Variants in CIB4 observed in about 807,000 individuals in gnomAD.
The protein encoded by CIB4 is calcium and integrin-binding family member 4.
CIB4 carries 25 observed loss-of-function variants against 25.8 expected under a neutral mutation model. The observed-to-expected ratio is 0.97, with a 90% CI of 0.71 to 1.35. CIB4 has a LOEUF of 1.35. Ranked by LOEUF, CIB4 falls within the 40% of genes most tolerant of loss-of-function variation. The pLI is 0.00. For missense variants in CIB4, 235 were observed against 228.2 expected (o/e 1.03, Z -0.19); for synonymous variants, 75 against 81.4 (o/e 0.92, Z 0.42).
chr2:26,581,805 G>A (rs1451106326), intron 6 of CIB4, among the ~76,000 whole-genome samples: 2 of 152,200 alleles, frequency 1.3e-5, no homozygotes, highest in African/African-American at 4.8e-5. Flanking sequence ...CTGTTGGAAT[G>A]AGGAGCCCCC....
intron 2 of CIB4, among the ~76,000 whole-genome samples, chr2:26,631,302 C>A (rs560620719): frequency 6.6e-6 from 1 of 152,026 alleles, no homozygotes; most frequent in Admixed American, 6.6e-5. Flanking sequence ...CAGGGAGACC[C>A]CATTTCTACA....
intron 4 of CIB4, among the ~76,000 whole-genome samples, chr2:26,584,973 C>T (rs995580999): frequency 2.6e-5 from 4 of 152,192 alleles, no homozygotes; most frequent in Admixed American, 6.5e-5. Context: ...TCCCGCCAGT[C>T]GGGGAGTGCT....
At chr2:26,625,830 A>T (rs1335885706) in intron 3 of CIB4, among the ~76,000 whole-genome samples, 1 of 152,248 alleles carries the variant, frequency 6.6e-6, no homozygotes, top group African/African-American at 2.4e-5. Context: ...CCTAAACGGC[A>T]TTGACTACAT....
intron 2 of CIB4, among the ~76,000 whole-genome samples, chr2:26,635,002 C>A (rs1457836302): frequency 6.6e-6 from 1 of 152,240 alleles, no homozygotes; most frequent in African/African-American, 2.4e-5. Context: ...GCCACATGGG[C>A]CCTCTTTGGG....
At position 26,627,116 on chromosome 2, in the gene CIB4, G is replaced by A. The variant is rs972920065; in HGVS notation, c.186+2294C>T. Among the ~76,000 whole-genome samples the A allele has an allele frequency of 6.6e-6, 1 of 152,162 alleles. No homozygotes were observed. Reference sequence around the variant, plus strand: ...CTATTGCTGGAGAAGGATGTGTTGAGGCCATGGGTCACCAACACCCTCTAT... The same window carrying A: ...CTATTGCTGGAGAAGGATGTGTTGAAGCCATGGGTCACCAACACCCTCTAT... On this transcript the variant is annotated intron_variant, in intron 3 of 6. Coordinates refer to ENST00000288861, the MANE Select transcript of CIB4 (RefSeq NM_001029881.3). This position sits in a 1 kb window ranked among gnomAD's most constrained non-coding sequence, Gnocchi z 4.0.
At chr2:26,588,987 C>CTTT (rs1558554493) in intron 4 of CIB4, among the ~76,000 whole-genome samples, 9 of 14,246 alleles carry the variant, frequency 6.3e-4, no homozygotes, top group African/African-American at 1.6e-3. Flanking sequence ...CTTTCTTCTT[C>CTTT]TTCTTCTTCT....
At chr2:26,623,253 G>A (rs1442472033) in intron 3 of CIB4, among the ~76,000 whole-genome samples, 1 of 151,908 alleles carries the variant, frequency 6.6e-6, no homozygotes, top group African/African-American at 2.4e-5. Context: ...TGAGGCAGGA[G>A]GATCGCTTTA....
At chr2:26,613,188 C>G (rs1269664283) in intron 3 of CIB4, among the ~76,000 whole-genome samples, 1 of 152,132 alleles carries the variant, frequency 6.6e-6, no homozygotes, top group East Asian at 1.9e-4. Flanking sequence ...GCACCTGGAG[C>G]TTGCTTTCTC....
chr2:26,599,439 T>G (rs893356311), intron 3 of CIB4, among the ~76,000 whole-genome samples: 18 of 152,226 alleles, frequency 1.2e-4, no homozygotes, highest in African/African-American at 4.1e-4. Flanking sequence ...GAGATTTGAT[T>G]TGAAGATGAA....
intron 2 of CIB4, among the ~76,000 whole-genome samples, chr2:26,640,052 C>T (rs1387049156): frequency 6.6e-6 from 1 of 151,684 alleles, no homozygotes; most frequent in Non-Finnish European, 1.5e-5. Context: ...CACCACCCCA[C>T]CCTCAGGGCC....
In CIB4 at chr2:26,595,214, C is replaced by A. The variant is rs139729001; in HGVS notation, c.290G>T (p.Cys97Phe). 249 of 1,613,720 alleles carry A rather than the reference C, an allele frequency of 1.5e-4. No individual in the cohort carries two copies. The highest frequency in any genetic ancestry group is 2.0e-4 in the Non-Finnish European group (236 of 1,179,758). The change falls in exon 4 of 7, where the codon TGC (cysteine) becomes TTC (phenylalanine). Residue 97 changes from cysteine (C) to phenylalanine (F), a missense_variant. Cys to Phe is a radical substitution (Grantham distance 205, BLOSUM62 -2). Coordinates refer to ENST00000288861, the MANE Select transcript of CIB4 (RefSeq NM_001029881.3). ...GMASVFSEQA[C>F]PSLKIEYAFR... ...GGCATACTCAATCTTCAGGCTTGGG[C>A]AGGCCTGCTCGCTGAACACAGATGC...
intron 4 of CIB4, among the ~76,000 whole-genome samples, chr2:26,584,172 C>A (rs1160461227): frequency 6.6e-6 from 1 of 152,202 alleles, no homozygotes; most frequent in South Asian, 2.1e-4. Context: ...CACAATCAAC[C>A]TTTTATTAGT....
In CIB4 at chr2:26,640,397, C is replaced by T; in HGVS notation, c.89+136G>A. 3.3e-6 allele frequency: 3 copies of T among 911,792 alleles called. 1 individual carries two copies. The highest frequency in any genetic ancestry group is 3.8e-5 in the South Asian group (2 of 52,850). The allele number at this position is 911,792 out of a possible 1,614,324, so 56.5% of individuals were successfully genotyped here. A position where few individuals can be genotyped will look rare whatever the true frequency, so the allele number is the denominator to read the frequency against. On this transcript the variant is annotated intron_variant, in intron 2 of 6. Transcript: ENST00000288861. ...GCCCTCCCATCCCTGCCTGCCGTGT[C>T]CCAGCCCCATCTCCAGGGCTGTGTG...
At chr2:26,608,986 T>C (rs193159467) in intron 3 of CIB4, among the ~76,000 whole-genome samples, 3 of 152,170 alleles carry the variant, frequency 2.0e-5, no homozygotes, top group Non-Finnish European at 4.4e-5. Flanking sequence ...TTCTGCCAGA[T>C]TTTTTTAGGA....
intron 3 of CIB4, among the ~76,000 whole-genome samples, chr2:26,604,177 C>T (rs186644453): frequency 1.0e-3 from 158 of 152,054 alleles, no homozygotes; most frequent in African/African-American, 3.5e-3. Context: ...CCCAGGAGTT[C>T]GAGACCAGTC....
chr2:26,583,861 C>T lies in CIB4; in HGVS notation c.366G>A (p.Leu122=). The T allele has an allele frequency of 6.2e-7, 1 of 1,613,050 alleles. No homozygotes were observed. The highest frequency in any genetic ancestry group is 8.5e-7 in the Non-Finnish European group (1 of 1,179,222). ...NENGFIDEED[L]QRIILRLLNS... ...TCAGCAGTCGCAGGATGATCCTCTG[C>T]AGATCCTCCTCATCAATGAAGCCAT... The change falls in exon 5 of 7, where the codon CTG becomes CTA. Residue 122 remains leucine, a synonymous_variant. Transcript: ENST00000288861.
At chr2:26,592,284 C>T (rs1668599440) in intron 4 of CIB4, among the ~76,000 whole-genome samples, 1 of 152,210 alleles carries the variant, frequency 6.6e-6, no homozygotes, top group Admixed American at 6.5e-5. Context: ...ACGGCTGCCA[C>T]CTGTGGGAGG....
chr2:26,606,955 T>C (rs1365371982), intron 3 of CIB4, among the ~76,000 whole-genome samples: 1 of 152,096 alleles, frequency 6.6e-6, no homozygotes, highest in Non-Finnish European at 1.5e-5. Flanking sequence ...ATGTTAAATA[T>C]TATTAAACAG....
intron 3 of CIB4, among the ~76,000 whole-genome samples, chr2:26,605,277 A>T (rs748369674): frequency 2.8e-4 from 42 of 152,188 alleles, no homozygotes; most frequent in Non-Finnish European, 4.9e-4. Flanking sequence ...GAATTTTTTA[A>T]AAAAAGAAAG....
Sources: allele counts gnomAD v4.1 joint callset (sites outside exome capture counted in the v4.1 genomes callset), GRCh38; gene constraint gnomAD v4.1.1; non-coding constraint Gnocchi (gnomAD v3.1); transcripts MANE v1.5; gene names NCBI Gene and HGNC (gene_info 2026-07-23, HGNC 2026-07-21).